The following PPP4R3B variants were observed in gnomAD, a reference collection of about 807,000 sequenced individuals.
PPP4R3B encodes protein phosphatase 4 regulatory subunit 3B.
In PPP4R3B, 52 loss-of-function variants were observed where a neutral mutation model predicts 95.4. The ratio of observed to expected loss-of-function variants is 0.54; its 90% CI spans 0.44 to 0.69. PPP4R3B has a LOEUF of 0.69. Among genes scored for constraint, PPP4R3B ranks in the 30% least tolerant of loss-of-function variants. PPP4R3B has a pLI of 0.00. For synonymous variants in PPP4R3B, 407 were observed against 343.9 expected, an observed-to-expected ratio of 1.18 and a Z score of -2.03; for missense variants, 1,003 against 1,005.9, an observed-to-expected ratio of 1.00 and a Z score of 0.04.
In PPP4R3B at chr2:55,598,198, C is replaced by T. The variant is rs988137701; in HGVS notation, c.921+218G>A. On this transcript the variant is annotated intron_variant, in intron 4 of 16. Coordinates refer to ENST00000616407, the MANE Select transcript of PPP4R3B (RefSeq NM_001122964.3). Reference sequence around the variant, plus strand: ...TTGCGCCACTGCATTCCAGCCTGGGCGACAGAACGAGACTCCGACTCAAAA... The same window carrying T: ...TTGCGCCACTGCATTCCAGCCTGGGTGACAGAACGAGACTCCGACTCAAAA... Among the ~76,000 whole-genome samples, 17 of 152,022 alleles carry T rather than the reference C, an allele frequency of 1.1e-4. 1 individual carries two copies. Among genetic ancestry groups the T allele is most frequent in the African/African-American group, 3.1e-4 (13 of 41,386 alleles).
At chr2:55,559,241 G>T (rs1342933609) in intron 15 of PPP4R3B, among the ~76,000 whole-genome samples, 2 of 152,060 alleles carry the variant, frequency 1.3e-5, no homozygotes, top group East Asian at 3.9e-4. Flanking sequence ...AGCTACTTGG[G>T]AGGCTGAGGC....
At chr2:55,615,389 C>CA in intron 2 of PPP4R3B, 62 bp downstream of exon 2, 1 of 1,195,656 alleles carries the variant, frequency 8.4e-7, no homozygotes. Flanking sequence ...CCACCTTTGT[C>CA]AGATTAATAC....
intron 1 of PPP4R3B, among the ~76,000 whole-genome samples, 170 bp downstream of exon 1, chr2:55,616,974 A>G (rs1695040043): frequency 6.6e-6 from 1 of 152,126 alleles, no homozygotes; most frequent in South Asian, 2.1e-4. Flanking sequence ...GTCTCCGAGG[A>G]TAAGTCCAGT....
chr2:55,612,830 C>G (rs990308697), intron 2 of PPP4R3B, among the ~76,000 whole-genome samples: 3 of 151,868 alleles, frequency 2.0e-5, no homozygotes, highest in Non-Finnish European at 2.9e-5. Context: ...CCTGTAGTCC[C>G]AACTACTTGG....
chr2:55,593,466 C>T (rs755452358), intron 4 of PPP4R3B, among the ~76,000 whole-genome samples: 1 of 152,198 alleles, frequency 6.6e-6, no homozygotes. Context: ...CCTTCTACAA[C>T]TCACACAGCA....
chr2:55,559,068 C>A, intron 15 of PPP4R3B, 100 bp from the exon 16 acceptor site: 1 of 959,132 alleles, frequency 1.0e-6, no homozygotes, highest in Non-Finnish European at 1.5e-6. Context: ...ACATTGCTGC[C>A]CGGGCATGGT....
Position 55,550,149 on chromosome 2 carries a change from T to A in PPP4R3B, c.2455-143A>T, listed in dbSNP as rs1365096173. The A allele has an allele frequency of 4.7e-6, 3 of 634,890 alleles. No homozygotes were observed. In the East Asian group the frequency reaches 8.7e-5, roughly 18 times the overall value. The allele number at this position is 634,890 out of a possible 1,614,324, so 39.3% of individuals were successfully genotyped here. A position where few individuals can be genotyped will look rare whatever the true frequency, so the allele number is the denominator to read the frequency against. On this transcript the variant is annotated intron_variant, in intron 16 of 16. Coordinates refer to ENST00000616407, the MANE Select transcript of PPP4R3B (RefSeq NM_001122964.3). Reference sequence around the variant, plus strand: ...TAACATTTGAATTTGATAAAGGAACTGCTTGAAATTATGAACGTTTGAGTA... The same window carrying A: ...TAACATTTGAATTTGATAAAGGAACAGCTTGAAATTATGAACGTTTGAGTA...
chr2:55,578,192 C>T, intron 10 of PPP4R3B, 55 bp downstream of exon 10: 3 of 1,308,840 alleles, frequency 2.3e-6, no homozygotes, highest in Non-Finnish European at 2.9e-6. Flanking sequence ...ACCGTATATA[C>T]ACATCATAAC....
chr2:55,611,669 T>C (rs1000214475), intron 2 of PPP4R3B, among the ~76,000 whole-genome samples: 5 of 152,226 alleles, frequency 3.3e-5, no homozygotes, highest in South Asian at 2.1e-4. Context: ...AATTTAGTAG[T>C]TGGCTCATTT....
At chr2:55,596,539 G>A (rs1438940620) in intron 4 of PPP4R3B, among the ~76,000 whole-genome samples, 1 of 152,210 alleles carries the variant, frequency 6.6e-6, no homozygotes, top group Non-Finnish European at 1.5e-5. Context: ...TGTTTCCAAA[G>A]TCAATATGCC....
chr2:55,613,360 A>C (rs551630297), intron 2 of PPP4R3B, among the ~76,000 whole-genome samples: 109 of 151,880 alleles, frequency 7.2e-4, no homozygotes, highest in African/African-American at 2.5e-3. Flanking sequence ...TTGCCAAAAA[A>C]AAAAAGCCCA....
At chr2:55,584,869 T>C (rs1689930925) in intron 7 of PPP4R3B, among the ~76,000 whole-genome samples, 182 bp downstream of exon 7, 1 of 152,202 alleles carries the variant, frequency 6.6e-6, no homozygotes, top group Admixed American at 6.5e-5. Flanking sequence ...GTTTCTTTTT[T>C]TCTAACAATA....
intron 7 of PPP4R3B, among the ~76,000 whole-genome samples, chr2:55,581,924 GA>G (rs35593207): frequency 6.7e-6 from 1 of 150,340 alleles, no homozygotes; most frequent in African/African-American, 2.4e-5. Flanking sequence ...GAAGAAGGAG[GA>G]AAAAAAACCC....
At chr2:55,556,073 G>A (rs768279300) in intron 16 of PPP4R3B, among the ~76,000 whole-genome samples, 1 of 152,194 alleles carries the variant, frequency 6.6e-6, no homozygotes, top group African/African-American at 2.4e-5. Context: ...CACTGTTAGT[G>A]AAACTGGCTA....
intron 2 of PPP4R3B, among the ~76,000 whole-genome samples, chr2:55,609,180 T>G (rs1693831593): frequency 6.6e-6 from 1 of 152,178 alleles, no homozygotes; most frequent in Admixed American, 6.5e-5. Flanking sequence ...ATCTGATTTT[T>G]TTTTTTAAAA....
chr2:55,570,982 T>C (rs1196393924), intron 12 of PPP4R3B, among the ~76,000 whole-genome samples: 3 of 152,184 alleles, frequency 2.0e-5, no homozygotes, highest in Non-Finnish European at 2.9e-5. Flanking sequence ...CTGCTTATAA[T>C]AATAGAAATC....
intron 2 of PPP4R3B, chr2:55,614,885 G>A (rs782589): frequency 0.93 from 142,046 of 152,280 alleles, 66,835 homozygotes; most frequent in African/African-American, 0.98. Flanking sequence ...TTAATCAGGC[G>A]TGCTAAAATA....
Position 55,558,823 on chromosome 2 carries a change from T to C in PPP4R3B, c.2406A>G (p.Gly802=), listed in dbSNP as rs1196323467. ...VAQIPPATSN[G]SSSKTTNLPT... Reference sequence around the variant, plus strand: ...GCAAGTTTGTGGTTTTGGAAGAGGATCCATTAGAAGTTGCTGGTGGTATCT... The same window carrying C: ...GCAAGTTTGTGGTTTTGGAAGAGGACCCATTAGAAGTTGCTGGTGGTATCT... The change falls in exon 16 of 17, where the codon GGA becomes GGG. Residue 802 remains glycine (G), a synonymous_variant. Coordinates refer to ENST00000616407, the MANE Select transcript of PPP4R3B (RefSeq NM_001122964.3). The C allele has an allele frequency of 1.2e-6, 2 of 1,612,874 alleles. No individual in the cohort carries two copies. Among genetic ancestry groups the C allele is most frequent in the East Asian group, 4.5e-5 (2 of 44,822 alleles).
intron 8 of PPP4R3B, 122 bp downstream of exon 8, chr2:55,581,445 T>C (rs920774566): frequency 1.0e-6 from 1 of 1,004,972 alleles, no homozygotes; most frequent in Non-Finnish European, 1.4e-6. Flanking sequence ...GCTATAAGAA[T>C]ACCACTGCTA....
Sources: allele counts gnomAD v4.1 joint callset (sites outside exome capture counted in the v4.1 genomes callset), GRCh38; gene constraint gnomAD v4.1.1; transcripts MANE v1.5; gene names NCBI Gene and HGNC (gene_info 2026-07-23, HGNC 2026-07-21).